The following ABCB4 variants were observed in gnomAD, a reference collection of about 807,000 sequenced individuals.
The protein encoded by ABCB4 is ATP binding cassette subfamily B member 4.
ABCB4 carries 76 observed loss-of-function variants against 145.7 expected under a neutral mutation model. The observed-to-expected ratio is 0.52, with a 90% CI of 0.43 to 0.63. The LOEUF is 0.63. Ranked by LOEUF, ABCB4 falls within the 30% of genes least tolerant of loss-of-function variation. The pLI is 0.00. For missense variants in ABCB4, 1,234 were observed against 1,553.1 expected, an observed-to-expected ratio of 0.79 and a Z score of 3.45; for synonymous variants, 517 against 566.8, an observed-to-expected ratio of 0.91 and a Z score of 1.25.
chr7:87,383,775 G>A, the ABCB4 span, among the ~76,000 whole-genome samples: 5 of 152,122 alleles, frequency 3.3e-5, no homozygotes, highest in Admixed American at 3.3e-4. Context: ...GGGATTAGAG[G>A]TGTGAGCCAC....
chr7:87,385,419 T>A, the ABCB4 span, among the ~76,000 whole-genome samples: 1 of 152,158 alleles, frequency 6.6e-6, no homozygotes, highest in Admixed American at 6.5e-5. Context: ...TTTGGTTCAG[T>A]TGATTCCTAG....
chr7:87,369,754 G>A, the ABCB4 span: 1 of 161,660 alleles, frequency 6.2e-6, no homozygotes, highest in Non-Finnish European at 1.3e-5. Context: ...ACTCTTACTA[G>A]TTTAGTGTGT....
intron 14 of ABCB4, among the ~76,000 whole-genome samples, chr7:87,433,492 GA>G (rs1036112560): frequency 6.6e-5 from 10 of 152,032 alleles, no homozygotes; most frequent in African/African-American, 2.4e-4. Context: ...TTATCATGAT[GA>G]TGATAATAGG....
chr7:87,458,618 C>G (rs1812256278), intron 4 of ABCB4, among the ~76,000 whole-genome samples: 1 of 152,166 alleles, frequency 6.6e-6, no homozygotes, highest in Non-Finnish European at 1.5e-5. Flanking sequence ...AATAAGCAGT[C>G]TGGATTTAGA....
intron 25 of ABCB4, 71 bp downstream of exon 25, chr7:87,407,966 T>C: frequency 6.3e-7 from 1 of 1,590,182 alleles, no homozygotes; most frequent in Admixed American, 1.7e-5. Flanking sequence ...TCCAATATTT[T>C]CCATTATGAC....
At chr7:87,424,180 CTA>C in intron 16 of ABCB4, 128 bp from the exon 17 acceptor site, 1 of 1,071,678 alleles carries the variant, frequency 9.3e-7, no homozygotes, top group South Asian at 1.3e-5. Flanking sequence ...GACAAGCAAA[CTA>C]CTAGAGAGTA....
chr7:87,424,434 A>C (rs45629035), intron 16 of ABCB4, among the ~76,000 whole-genome samples: 2 of 152,282 alleles, frequency 1.3e-5, no homozygotes, highest in Non-Finnish European at 2.9e-5. Context: ...CAGTTTTCTC[A>C]TATATTATGA....
intron 12 of ABCB4, among the ~76,000 whole-genome samples, chr7:87,441,731 T>C (rs886560413): frequency 3.3e-5 from 5 of 152,180 alleles, no homozygotes; most frequent in African/African-American, 1.2e-4. Context: ...CCCAAGTAGC[T>C]AGGACTATGG....
At chr7:87,402,359 A>G (rs941593234) in intron 27 of ABCB4, 57 bp from the exon 28 acceptor site, 4 of 1,586,290 alleles carry the variant, frequency 2.5e-6, no homozygotes, top group African/African-American at 2.7e-5. Context: ...TAGTTTTAAC[A>G]TTCAAGTAAA....
rs753052795 is a variant in ABCB4, at chr7:87,431,467, C to T, written c.1830G>A (p.Glu610=). The change falls in exon 15 of 28, where the codon GAG becomes GAA. Residue 610 remains glutamate (E), a synonymous_variant. Coordinates refer to ENST00000649586, the MANE Select transcript of ABCB4 (RefSeq NM_000443.4). Reference sequence around the variant, plus strand: ...TCATCAGTTCGCTGTGGCTTCCTTGCTCCACAATTACTCCATCCTCAAACC... The same window carrying T: ...TCATCAGTTCGCTGTGGCTTCCTTGTTCCACAATTACTCCATCCTCAAACC... ...IAGFEDGVIV[E]QGSHSELMKK... The T allele has an allele frequency of 6.2e-7, 1 of 1,614,164 alleles. No individual in the cohort carries two copies. The highest frequency in any genetic ancestry group is 1.1e-5 in the South Asian group (1 of 91,086).
chr7:87,403,465 A>T, intron 26 of ABCB4, 184 bp from the exon 27 acceptor site: 1 of 600,476 alleles, frequency 1.7e-6, no homozygotes, highest in South Asian at 2.0e-5. Context: ...GGTATTCTAC[A>T]ATAGGCTATC....
chr7:87,445,057 G>A lies in ABCB4; in HGVS notation c.1006-82C>T, dbSNP rs1380560147. ...TAAAATGTGATGTATATGTAACATA[G>A]TACATAAAGGATTAAGTTTAGGTTT... On this transcript the variant is annotated intron_variant, in intron 9 of 27. Coordinates refer to ENST00000649586, the MANE Select transcript of ABCB4 (RefSeq NM_000443.4). 30 of 886,950 alleles carry A rather than the reference G, an allele frequency of 3.4e-5. 1 individual carries two copies. The highest frequency in any genetic ancestry group is 1.4e-4 in the Admixed American group (7 of 48,932). 54.9% of individuals were successfully genotyped at this position (886,950 alleles called of 1,614,324 possible).
chr7:87,421,746 A>C (rs2116509113), intron 18 of ABCB4, among the ~76,000 whole-genome samples: 1 of 152,364 alleles, frequency 6.6e-6, no homozygotes, highest in South Asian at 2.1e-4. Context: ...ATAGTTCATC[A>C]ATTAAGTAGG....
At chr7:87,424,150 G>A (rs1425314775) in intron 16 of ABCB4, 98 bp from the exon 17 acceptor site, 41 of 1,439,894 alleles carry the variant, frequency 2.8e-5, no homozygotes, top group Admixed American at 6.7e-5. Context: ...CAAGGGACTC[G>A]CAAACTAGGT....
chr7:87,398,385 G>A, downstream of ABCB4: 2 of 1,007,146 alleles, frequency 2.0e-6, no homozygotes, highest in South Asian at 1.3e-5. Flanking sequence ...CTTCAATTGT[G>A]TCAGGTTACA....
the ABCB4 span, chr7:87,369,747 C>G: frequency 5.9e-6 from 1 of 168,702 alleles, no homozygotes; most frequent in Non-Finnish European, 1.2e-5. Flanking sequence ...ATTAATCACT[C>G]TTACTAGTTT....
intron 5 of ABCB4, among the ~76,000 whole-genome samples, chr7:87,454,011 A>C (rs1252423662): frequency 6.6e-6 from 1 of 152,228 alleles, no homozygotes; most frequent in East Asian, 1.9e-4. Context: ...ATTAGTAGAA[A>C]GTTAGTATTT....
the ABCB4 span, chr7:87,392,885 GT>G: frequency 1.2e-6 from 2 of 1,610,844 alleles, no homozygotes; most frequent in African/African-American, 2.7e-5. Context: ...ATATTAAATG[GT>G]TTTTAGAAAC....
downstream of ABCB4, among the ~76,000 whole-genome samples, chr7:87,400,184 C>A (rs1807720346): frequency 6.6e-6 from 1 of 152,076 alleles, no homozygotes; most frequent in Non-Finnish European, 1.5e-5. Context: ...GTTGATTAAA[C>A]CAAGTCACAA....
Sources: allele counts gnomAD v4.1 joint callset (sites outside exome capture counted in the v4.1 genomes callset), GRCh38; gene constraint gnomAD v4.1.1; transcripts MANE v1.5; gene names NCBI Gene and HGNC (gene_info 2026-07-23, HGNC 2026-07-21).